Variants in ZNF536 observed in about 807,000 individuals in gnomAD.
The protein encoded by ZNF536 is zinc finger protein 536.
A neutral mutation model predicts 84.5 loss-of-function variants in ZNF536; 13 were observed. The observed-to-expected ratio is 0.15, with a 90% CI of 0.10 to 0.24. The LOEUF is 0.24. Among genes scored for constraint, ZNF536 ranks in the 10% least tolerant of loss-of-function variants. The probability of loss-of-function intolerance (pLI) is 1.00; values close to 1 mark genes in which losing one functional copy is unlikely to be tolerated. For synonymous variants in ZNF536, 811 were observed against 742.5 expected (o/e 1.09, Z -1.50); for missense variants, 1,536 against 1,747.5 (o/e 0.88, Z 2.16).
chr19:30,583,331 G>T (rs369817123), intron 1 of ZNF536, among the ~76,000 whole-genome samples: 1 of 152,222 alleles, frequency 6.6e-6, no homozygotes, highest in Non-Finnish European at 1.5e-5. Context: ...CTTTCTCCAG[G>T]CTGGTGGGGA....
At chr19:30,625,390 G>A (rs1174383280) in intron 1 of ZNF536, among the ~76,000 whole-genome samples, 3 of 152,236 alleles carry the variant, frequency 2.0e-5, no homozygotes, top group East Asian at 1.9e-4. Context: ...ACTTGTGTTG[G>A]CCTCATTATA....
At chr19:30,354,772 G>A (rs934492487) in intron 3 of ZNF536, among the ~76,000 whole-genome samples, 2 of 152,166 alleles carry the variant, frequency 1.3e-5, no homozygotes, top group African/African-American at 4.8e-5. Flanking sequence ...TTAGAAACAG[G>A]CAGAGAACAT....
At chr19:30,325,163 G>A (rs1344383667) in intron 2 of ZNF536, among the ~76,000 whole-genome samples, 2 of 152,236 alleles carry the variant, frequency 1.3e-5, no homozygotes, top group African/African-American at 4.8e-5. Context: ...TTGGTGTCAA[G>A]TGCACAGACG....
intron 1 of ZNF536, among the ~76,000 whole-genome samples, chr19:30,407,597 C>G (rs2050315581): frequency 6.6e-6 from 1 of 152,304 alleles, no homozygotes; most frequent in Non-Finnish European, 1.5e-5. Flanking sequence ...TCCAAAATCC[C>G]CTGTTTGTGT....
chr19:30,531,908 C>T (rs889382080), intron 2 of ZNF536, among the ~76,000 whole-genome samples: 5 of 151,786 alleles, frequency 3.3e-5, no homozygotes, highest in African/African-American at 7.3e-5. Context: ...TACAGGTGTG[C>T]ACCACCACAC....
intron 1 of ZNF536, among the ~76,000 whole-genome samples, chr19:30,578,048 CT>C (rs1389080538): frequency 6.6e-6 from 1 of 152,188 alleles, no homozygotes; most frequent in African/African-American, 2.4e-5. Flanking sequence ...AACAGTGCGG[CT>C]TTTGTGCTGA....
At chr19:30,572,240 G>C (rs1568565760) in intron 1 of ZNF536, among the ~76,000 whole-genome samples, 1 of 152,212 alleles carries the variant, frequency 6.6e-6, no homozygotes, top group Non-Finnish European at 1.5e-5. Flanking sequence ...CCTGAGGCTG[G>C]TGTCTGTGTG....
chr19:30,679,103 CAG>C (rs1600240230), intron 1 of ZNF536, among the ~76,000 whole-genome samples: 1 of 152,152 alleles, frequency 6.6e-6, no homozygotes, highest in Admixed American at 6.5e-5. Flanking sequence ...GTGCAGAAGA[CAG>C]GGGTGAACGG....
chr19:30,335,377 C>A (rs974691439), intron 2 of ZNF536, among the ~76,000 whole-genome samples: 4 of 152,126 alleles, frequency 2.6e-5, no homozygotes, highest in Non-Finnish European at 5.9e-5. Context: ...CTGCCACTGC[C>A]ACCACAGCCA....
intron 2 of ZNF536, among the ~76,000 whole-genome samples, chr19:30,496,767 G>T (rs2054737161): frequency 6.6e-6 from 1 of 151,996 alleles, no homozygotes; most frequent in African/African-American, 2.4e-5. Flanking sequence ...TGATGGTCCG[G>T]GGTTGGCCTC....
intron 2 of ZNF536, among the ~76,000 whole-genome samples, chr19:30,517,867 C>G (rs927605810): frequency 1.3e-5 from 2 of 152,184 alleles, no homozygotes; most frequent in Non-Finnish European, 2.9e-5. Context: ...CTTTGCATCT[C>G]AATTAGAGTC....
chr19:30,275,091 G>C (rs10403234), intron 1 of ZNF536, among the ~76,000 whole-genome samples: 2,065 of 152,240 alleles, frequency 0.014, 59 homozygotes, highest in African/African-American at 0.048. Context: ...TGGATGGGGT[G>C]AGAGATCCAG....
intron 2 of ZNF536, among the ~76,000 whole-genome samples, chr19:30,452,519 C>T (rs770666468): frequency 2.5e-4 from 38 of 152,120 alleles, no homozygotes; most frequent in African/African-American, 8.2e-4. Flanking sequence ...ATACTGGCCT[C>T]GATATTCCAC....
intron 1 of ZNF536, among the ~76,000 whole-genome samples, chr19:30,625,392 C>T (rs1434000336): frequency 1.3e-5 from 2 of 152,120 alleles, no homozygotes; most frequent in South Asian, 2.1e-4. Flanking sequence ...TTGTGTTGGC[C>T]TCATTATATG....
chr19:30,398,389 T>C (rs566199618), intron 1 of ZNF536, among the ~76,000 whole-genome samples: 1 of 25,822 alleles, frequency 3.9e-5, no homozygotes, highest in South Asian at 9.3e-4. Context: ...TTTCTTTTTC[T>C]TTTTTTTTTT....
downstream of ZNF536, among the ~76,000 whole-genome samples, chr19:30,559,123 G>A (rs984359606): frequency 6.6e-6 from 1 of 152,108 alleles, no homozygotes; most frequent in African/African-American, 2.4e-5. Flanking sequence ...TGAGAGATTC[G>A]GAGTCTGAGA....
intron 2 of ZNF536, among the ~76,000 whole-genome samples, chr19:30,470,481 T>G (rs2053587134): frequency 6.6e-6 from 1 of 151,964 alleles, no homozygotes; most frequent in Non-Finnish European, 1.5e-5. Context: ...TTTTTTTTTT[T>G]TTTTAATTAA....
In ZNF536 at chr19:30,304,320, C is replaced by A. The variant is rs557996756; in HGVS notation, c.-120+20179C>A. 2.5e-4 allele frequency among the ~76,000 whole-genome samples: 38 copies of A among 152,338 alleles called. 1 individual carries two copies. Among genetic ancestry groups the A allele is most frequent in the African/African-American group, 9.1e-4 (38 of 41,572 alleles). On this transcript the variant is annotated intron_variant, in intron 2 of 5. Coordinates refer to the ZNF536 transcript ENST00000585628. ...TCAATGGAGCTCGAACCATTGGAGC[C>A]GGGCTCACACACAATCTGATGGATC...
At chr19:30,275,882 T>C (rs2026103191) in intron 1 of ZNF536, among the ~76,000 whole-genome samples, 1 of 152,108 alleles carries the variant, frequency 6.6e-6, no homozygotes, top group African/African-American at 2.4e-5. Flanking sequence ...GGCTGCTTCC[T>C]GGACTACATT....
Sources: allele counts gnomAD v4.1 joint callset (sites outside exome capture counted in the v4.1 genomes callset), GRCh38; gene constraint gnomAD v4.1.1; transcripts MANE v1.5; gene names NCBI Gene and HGNC (gene_info 2026-07-23, HGNC 2026-07-21).